C12orf76: variants seen among roughly 807,000 people sequenced by gnomAD.
C12orf76 encodes uncharacterized protein C12orf76.
Under a neutral mutation model 6.8 loss-of-function variants are expected in C12orf76, and 6 were observed. That is an observed-to-expected ratio of 0.88 (90% confidence interval 0.48 to 1.73). C12orf76 has a LOEUF of 1.73. C12orf76 is among the 40% of genes most tolerant of loss of function. C12orf76 has a pLI of 0.01. For missense variants in C12orf76, 99 were observed against 98.2 expected (o/e 1.01, Z -0.03); for synonymous variants, 56 against 43.7 (o/e 1.28, Z -1.11).
chr12:110,063,602 T>TTTATTTA (rs1892813114), intron 2 of C12orf76, among the ~76,000 whole-genome samples: 5 of 138,698 alleles, frequency 3.6e-5, no homozygotes, highest in African/African-American at 5.4e-5. Flanking sequence ...GGATTTTTAT[T>TTTATTTA]TTTATTTATT....
intron 2 of C12orf76, among the ~76,000 whole-genome samples, chr12:110,062,235 G>C (rs556480687): frequency 6.6e-6 from 1 of 152,320 alleles, no homozygotes; most frequent in African/African-American, 2.4e-5. Context: ...CTCCACTCCA[G>C]CCTGAGTGAT....
chr12:110,058,504 A>T (rs1395558772), intron 3 of C12orf76, among the ~76,000 whole-genome samples: 1 of 152,176 alleles, frequency 6.6e-6, no homozygotes, highest in African/African-American at 2.4e-5. Context: ...GTCTCTACTA[A>T]AAATGCAAAA....
upstream of C12orf76, among the ~76,000 whole-genome samples, chr12:110,068,230 A>T (rs1892899260): frequency 6.8e-6 from 1 of 147,464 alleles, no homozygotes; most frequent in South Asian, 2.2e-4. Context: ...GGAGAAGGAG[A>T]AGAGAAGAAG....
At chr12:110,060,341 A>T (rs1227119520) in intron 2 of C12orf76, among the ~76,000 whole-genome samples, 1 of 150,770 alleles carries the variant, frequency 6.6e-6, no homozygotes, top group Non-Finnish European at 1.5e-5. Flanking sequence ...ATCTCCATTC[A>T]CTCCTCCGCC....
chr12:110,045,515 G>C (rs1892426681), intron 1 of C12orf76, among the ~76,000 whole-genome samples: 1 of 152,112 alleles, frequency 6.6e-6, no homozygotes, highest in Non-Finnish European at 1.5e-5. Context: ...GAACCAGGGA[G>C]TCGGGGGTTG....
chr12:110,068,384 G>C (rs1892919295), upstream of C12orf76, among the ~76,000 whole-genome samples: 2 of 152,144 alleles, frequency 1.3e-5, no homozygotes, highest in East Asian at 3.8e-4. Context: ...GAACCTACCT[G>C]ATGACATAGT....
chr12:110,065,514 G>A (rs1035002822), intron 2 of C12orf76, among the ~76,000 whole-genome samples: 3 of 151,992 alleles, frequency 2.0e-5, no homozygotes, highest in Non-Finnish European at 4.4e-5. Flanking sequence ...CAATCCCTCA[G>A]GAATCCGGAG....
intron 2 of C12orf76, among the ~76,000 whole-genome samples, chr12:110,061,471 T>C (rs1892769714): frequency 6.6e-6 from 1 of 151,990 alleles, no homozygotes; most frequent in African/African-American, 2.4e-5. Flanking sequence ...AATGGTCTCC[T>C]AAATGGTCTC....
intron 2 of C12orf76, among the ~76,000 whole-genome samples, chr12:110,063,493 T>A (rs1892810665): frequency 6.6e-6 from 1 of 151,474 alleles, no homozygotes; most frequent in African/African-American, 2.4e-5. Context: ...TTTCACCATG[T>A]TGGTCAGGCT....
chr12:110,048,316 GA>G, intron 1 of C12orf76, 46 bp downstream of exon 1: 1 of 1,454,910 alleles, frequency 6.9e-7, no homozygotes, highest in Non-Finnish European at 9.0e-7. Context: ...CCGGAGCAGT[GA>G]AAGCTCAGGC....
At position 110,041,921 on chromosome 12, in the gene C12orf76, A is replaced by T. The variant is rs569073998; in HGVS notation, c.*453T>A. The T allele has an allele frequency of 1.5e-4, 20 of 132,518 alleles. No individual in the cohort carries two copies. Among genetic ancestry groups the T allele is most frequent in the South Asian group, 1.2e-3 (5 of 4,270 alleles). 8.2% of individuals were successfully genotyped at this position (132,518 alleles called of 1,614,324 possible). On this transcript the variant is annotated 3_prime_UTR_variant, in exon 2 of 2. Coordinates refer to ENST00000615315, the MANE Select transcript of C12orf76 (RefSeq NM_001389625.1). ...ATTCTAGGCTAACTCAGGTGAGATT[A>T]AAAAAAAAAATCTGTGATTCTTAAC...
chr12:110,059,266 T>G, intron 2 of C12orf76: 1 of 1,332,694 alleles, frequency 7.5e-7, no homozygotes, highest in Non-Finnish European at 1.0e-6. Context: ...AATAGTTTTC[T>G]TGTGAATTCT....
At chr12:110,063,945 A>C (rs1359820746) in intron 2 of C12orf76, among the ~76,000 whole-genome samples, 1 of 152,102 alleles carries the variant, frequency 6.6e-6, no homozygotes, top group Non-Finnish European at 1.5e-5. Context: ...CAAACAAACC[A>C]ATGAGCTTGG....
intron 3 of C12orf76, among the ~76,000 whole-genome samples, chr12:110,058,065 CAAAAAAAAAAAAA>C (rs59838926): frequency 1.9e-5 from 1 of 52,670 alleles, no homozygotes; most frequent in Non-Finnish European, 3.6e-5. Context: ...GACTCGGTCT[CAAAAAAAAAAAAA>C]AAAAAAAAAA....
At chr12:110,049,476 T>C (rs952009682), upstream of C12orf76, 1 of 152,202 alleles carries the variant, frequency 6.6e-6, no homozygotes, top group Non-Finnish European at 1.5e-5. Flanking sequence ...GCGGTGAAGT[T>C]AAGAGCAATG....
chr12:110,056,839 G>A (rs113179074), intron 4 of C12orf76: 2 of 209,168 alleles, frequency 9.6e-6, no homozygotes, highest in Non-Finnish European at 1.9e-5. Flanking sequence ...CTGCCACCAC[G>A]TAAGACGTAC....
At chr12:110,068,305 A>G (rs568192296), upstream of C12orf76, among the ~76,000 whole-genome samples, 38 of 145,574 alleles carry the variant, frequency 2.6e-4, no homozygotes, top group African/African-American at 8.9e-4. Context: ...GAAGAAGAAG[A>G]AGAAGAAGAA....
At chr12:110,052,298 G>A (rs189355792), upstream of C12orf76, among the ~76,000 whole-genome samples, 774 of 146,970 alleles carry the variant, frequency 5.3e-3, 16 homozygotes, top group Admixed American at 0.046. Flanking sequence ...AGCTCAAGTC[G>A]ATCCTCCCAC....
At chr12:110,055,912 G>T (rs1892658285) in intron 4 of C12orf76, among the ~76,000 whole-genome samples, 1 of 151,972 alleles carries the variant, frequency 6.6e-6, no homozygotes, top group Non-Finnish European at 1.5e-5. Context: ...GTTTAGGGAG[G>T]GTCAGAATCT....
Sources: allele counts gnomAD v4.1 joint callset (sites outside exome capture counted in the v4.1 genomes callset), GRCh38; gene constraint gnomAD v4.1.1; transcripts MANE v1.5; gene names NCBI Gene and HGNC (gene_info 2026-07-23, HGNC 2026-07-21).